Variants in PGAP1 observed in about 807,000 individuals in gnomAD.
PGAP1 encodes the protein post-GPI attachment to proteins inositol deacylase 1.
A neutral mutation model predicts 127.0 loss-of-function variants in PGAP1; 76 were observed. That is an observed-to-expected ratio of 0.60 (90% CI 0.50 to 0.72). PGAP1 has a LOEUF of 0.72. PGAP1 is among the 30% of genes least tolerant of loss of function. The pLI, the probability that PGAP1 is intolerant of heterozygous loss-of-function variation, is 0.00. For synonymous variants in PGAP1, 362 were observed against 366.5 expected, an observed-to-expected ratio of 0.99 and a Z score of 0.14; for missense variants, 982 against 1,071.3, an observed-to-expected ratio of 0.92 and a Z score of 1.16.
chr2:196,915,978 T>C (rs1702992354), intron 3 of PGAP1, among the ~76,000 whole-genome samples: 1 of 152,162 alleles, frequency 6.6e-6, no homozygotes, highest in Non-Finnish European at 1.5e-5. Context: ...TCCAGAGCAA[T>C]CATGGAGCTT....
chr2:196,882,939 A>T (rs982794415), intron 12 of PGAP1, among the ~76,000 whole-genome samples: 2 of 152,114 alleles, frequency 1.3e-5, no homozygotes, highest in African/African-American at 2.4e-5. Context: ...CTGGTTTTCA[A>T]GGGGAATGCT....
At chr2:196,916,280 A>G (rs1444836905) in intron 3 of PGAP1, 138 bp downstream of exon 3, 18 of 601,630 alleles carry the variant, frequency 3.0e-5, no homozygotes, top group Non-Finnish European at 4.6e-5. Flanking sequence ...AAGACAACAG[A>G]CTCTCACAAA....
chr2:196,914,840 G>T (rs1489827808), intron 3 of PGAP1, among the ~76,000 whole-genome samples: 1 of 148,118 alleles, frequency 6.8e-6, no homozygotes, highest in Non-Finnish European at 1.5e-5. Flanking sequence ...CTGAGACAGG[G>T]TCTCACTCTG....
chr2:196,883,301 G>C (rs1233723200), intron 12 of PGAP1, among the ~76,000 whole-genome samples: 2 of 152,200 alleles, frequency 1.3e-5, no homozygotes, highest in Non-Finnish European at 2.9e-5. Context: ...TGGGCAAGGA[G>C]GACAGAGATG....
intron 6 of PGAP1, among the ~76,000 whole-genome samples, chr2:196,897,501 T>A (rs1186787286): frequency 1.3e-5 from 2 of 152,192 alleles, no homozygotes; most frequent in Non-Finnish European, 2.9e-5. Context: ...GCCTGAAGTA[T>A]GTCATTCTAG....
Position 196,872,989 on chromosome 2 carries a change from C to A in PGAP1, c.1590G>T (p.Trp530Cys). The A allele has an allele frequency of 9.3e-7, 1 of 1,072,068 alleles. No individual in the cohort carries two copies. Among genetic ancestry groups the A allele is most frequent in the South Asian group, 1.5e-5 (1 of 66,992 alleles). 66.4% of individuals were successfully genotyped at this position (1,072,068 alleles called of 1,614,324 possible). The part of the protein sequence containing the change: ...ITSIYRLHIP[W>C]SYEDSLTIAQ... ...CAATGGTTAGTGAATCTTCATAAGA[C>A]CAAGGAATATGAAGTCTATAGATAC... The change falls in exon 17 of 27, where the codon TGG (tryptophan) becomes TGT (cysteine). Residue 530 changes from tryptophan to cysteine, a missense_variant. Physicochemically the swap from Trp to Cys is radical, Grantham distance 215 (BLOSUM62 -2). Coordinates refer to ENST00000354764, the MANE Select transcript of PGAP1 (RefSeq NM_024989.4).
At chr2:196,843,399 T>C (rs1218826291) in intron 25 of PGAP1, among the ~76,000 whole-genome samples, 1 of 152,184 alleles carries the variant, frequency 6.6e-6, no homozygotes, top group Non-Finnish European at 1.5e-5. Flanking sequence ...TTTGAACTTA[T>C]TTTGGTTCTG....
intron 19 of PGAP1, 30 bp from the exon 20 acceptor site, chr2:196,865,110 C>G (rs1438154058): frequency 8.2e-7 from 1 of 1,212,926 alleles, no homozygotes. Context: ...ATGGGCAACT[C>G]CTGAATATTC....
chr2:196,852,055 T>C (rs981332854), intron 20 of PGAP1, among the ~76,000 whole-genome samples: 1 of 152,196 alleles, frequency 6.6e-6, no homozygotes, highest in Admixed American at 6.5e-5. Context: ...GGGCCCAATT[T>C]TGTCAGAAAT....
intron 20 of PGAP1, among the ~76,000 whole-genome samples, chr2:196,854,754 G>GA (rs1700824891): frequency 6.6e-6 from 1 of 152,112 alleles, no homozygotes; most frequent in African/African-American, 2.4e-5. Context: ...AGTTTTTCAT[G>GA]AAAAAACCTT....
intron 20 of PGAP1, among the ~76,000 whole-genome samples, chr2:196,856,469 G>A (rs942563292): frequency 3.3e-5 from 5 of 152,188 alleles, no homozygotes; most frequent in Non-Finnish European, 7.3e-5. Context: ...TGATAAACTA[G>A]ACTAGATCCT....
chr2:196,914,938 T>C (rs2125836093), intron 3 of PGAP1, among the ~76,000 whole-genome samples: 1 of 151,476 alleles, frequency 6.6e-6, no homozygotes. Context: ...TACCTCAGCC[T>C]CCCAAGTAGC....
intron 5 of PGAP1, among the ~76,000 whole-genome samples, chr2:196,900,206 C>G (rs1351809474): frequency 6.6e-6 from 1 of 152,086 alleles, no homozygotes; most frequent in Non-Finnish European, 1.5e-5. Context: ...GATGGAATGC[C>G]CACTCTCAGC....
At chr2:196,872,365 T>C (rs1307121100) in intron 18 of PGAP1, 76 bp downstream of exon 18, 1 of 1,003,508 alleles carries the variant, frequency 1.0e-6, no homozygotes, top group African/African-American at 1.6e-5. Flanking sequence ...ACCATATATC[T>C]GAAGCTTATA....
intron 23 of PGAP1, among the ~76,000 whole-genome samples, chr2:196,845,372 A>G (rs1472634803): frequency 7.9e-5 from 12 of 151,300 alleles, no homozygotes; most frequent in African/African-American, 2.4e-4. Flanking sequence ...TTTTCTTTGC[A>G]AAGCTGTCAG....
intron 5 of PGAP1, among the ~76,000 whole-genome samples, chr2:196,900,267 C>G (rs1318047117): frequency 1.3e-5 from 2 of 152,168 alleles, no homozygotes; most frequent in African/African-American, 2.4e-5. Context: ...ACCTAAATAT[C>G]CACCCAGGGC....
rs1264352453 is a variant in PGAP1 at position 196,837,897 on chromosome 2, C to T, written c.*3337G>A. ...AAATAAAGATTAATCAATACATGAT[C>T]AATATATATTGAAGAGACTCAAACT... On this transcript the variant is annotated 3_prime_UTR_variant, in exon 27 of 27. Transcript: ENST00000354764. 6.6e-6 allele frequency: 1 copy of T among 151,990 alleles called. No homozygotes were observed. The highest frequency in any genetic ancestry group is 2.4e-5 in the African/African-American group (1 of 41,362). The allele number at this position is 151,990 out of a possible 1,614,324, so 9.4% of individuals were successfully genotyped here.
chr2:196,919,143 C>T (rs1166510928), intron 2 of PGAP1, among the ~76,000 whole-genome samples: 1 of 152,114 alleles, frequency 6.6e-6, no homozygotes, highest in Non-Finnish European at 1.5e-5. Context: ...CACTTCCTGA[C>T]CCTTTTATCT....
chr2:196,858,912 T>A (rs899088468), intron 20 of PGAP1, among the ~76,000 whole-genome samples: 10 of 152,106 alleles, frequency 6.6e-5, no homozygotes, highest in Non-Finnish European at 1.5e-4. Context: ...CATTAGAGAA[T>A]ATTATAAACA....
Sources: allele counts gnomAD v4.1 joint callset (sites outside exome capture counted in the v4.1 genomes callset), GRCh38; gene constraint gnomAD v4.1.1; transcripts MANE v1.5; gene names NCBI Gene and HGNC (gene_info 2026-07-23, HGNC 2026-07-21).